CELSR3: variants seen among roughly 807,000 people sequenced by gnomAD.
CELSR3 encodes EGF-like protein 1.
A neutral mutation model predicts 270.0 loss-of-function variants in CELSR3; 73 were observed. The ratio of observed to expected loss-of-function variants is 0.27; its 90% CI spans 0.22 to 0.33. The LOEUF (loss-of-function observed/expected upper bound fraction) is 0.33, where lower values mean the gene tolerates loss of function less well. CELSR3 is among the 10% of genes least tolerant of loss of function. The probability of loss-of-function intolerance (pLI) is 1.00; values close to 1 mark genes in which losing one functional copy is unlikely to be tolerated. For missense variants in CELSR3, 3,614 were observed against 4,533.8 expected, an observed-to-expected ratio of 0.80 and a Z score of 5.83; for synonymous variants, 1,780 against 1,905.4, an observed-to-expected ratio of 0.93 and a Z score of 1.71.
chr3:48,639,831 A>T lies in CELSR3; in HGVS notation c.9754T>A (p.Ser3252Thr). 6.2e-7 allele frequency: 1 copy of T among 1,613,902 alleles called. No homozygotes were observed. The highest frequency in any genetic ancestry group is 8.5e-7 in the Non-Finnish European group (1 of 1,180,016). ...GAGGAGAGGGCCGAGGAGTTGAAAG[A>T]GGCAAGGATGGAGGAAAGAATGTCC... Reference protein sequence around the residue: ...QLDILSSILASFNSSALSSVQ... With the variant: ...QLDILSSILATFNSSALSSVQ... Residue 3252 changes from serine to threonine, a missense_variant, in exon 34 of 35, where the codon TCT (serine) becomes ACT (threonine). Ser to Thr is a moderately conservative substitution (Grantham distance 58). Transcript: ENST00000164024. The surrounding 1 kb of genome is among the most constrained non-coding windows in gnomAD (Gnocchi z 4.1).
At position 48,656,125 on chromosome 3, in the gene CELSR3, G is replaced by A. The variant is rs1477191419; in HGVS notation, c.4625+15C>T. On this transcript the variant is annotated intron_variant, in intron 3 of 34. Coordinates refer to ENST00000164024, the MANE Select transcript of CELSR3 (RefSeq NM_001407.3). ...GGGCGGCGGGGAGGCGCTCAGACAC[G>A]GGGCGGGCACCTACGAGAGGGACAG... The A allele has an allele frequency of 1.3e-6, 2 of 1,533,524 alleles. No homozygotes were observed. Among genetic ancestry groups the A allele is most frequent in the East Asian group, 2.4e-5 (1 of 40,904 alleles). 95.0% of individuals were successfully genotyped at this position (1,533,524 alleles called of 1,614,324 possible). A position where few individuals can be genotyped will look rare whatever the true frequency, so the allele number is the denominator to read the frequency against.
chr3:48,657,668 C>G lies in CELSR3; in HGVS notation c.3749-320G>C, dbSNP rs2077034129. On this transcript the variant is annotated intron_variant, in intron 1 of 34. Transcript: ENST00000164024. This position sits in a 1 kb window ranked among gnomAD's most constrained non-coding sequence, Gnocchi z 5.4. Reference sequence around the variant, plus strand: ...TCAAGTACCCTAAGTACTCAGTAACCCACACTTCCCCAAGTTATCATGGTC... The same window carrying G: ...TCAAGTACCCTAAGTACTCAGTAACGCACACTTCCCCAAGTTATCATGGTC... Among the ~76,000 whole-genome samples, 1 of 152,136 alleles carries G rather than the reference C, an allele frequency of 6.6e-6. No individual in the cohort carries two copies. The highest frequency in any genetic ancestry group is 1.5e-5 in the Non-Finnish European group (1 of 68,028).
chr3:48,654,067 G>C lies in CELSR3; in HGVS notation c.5153-64C>G, dbSNP rs2047160270. The C allele has an allele frequency of 6.3e-7, 1 of 1,588,212 alleles. No homozygotes were observed. On this transcript the variant is annotated intron_variant, in intron 7 of 34. Coordinates refer to ENST00000164024, the MANE Select transcript of CELSR3 (RefSeq NM_001407.3). The surrounding 1 kb of genome is among the most constrained non-coding windows in gnomAD (Gnocchi z 5.4). Reference sequence around the variant, plus strand: ...GTTGGGGGGCACAAGTGCTGGACAGGACTTTAGTGTCCAGAGGGGCTGAAA... The same window carrying C: ...GTTGGGGGGCACAAGTGCTGGACAGCACTTTAGTGTCCAGAGGGGCTGAAA...
rs560285482 is a variant in CELSR3, at chr3:48,638,057, C to T, written c.*148G>A. The stretch of plus-strand genomic sequence containing the variant: ...GCATGCTCACAGATGCACATGGAGC[C>T]TCAGCCCTGCCACACCAGGTAGAGC... On this transcript the variant is annotated 3_prime_UTR_variant, in exon 35 of 35. Transcript: ENST00000164024. The T allele has an allele frequency of 6.0e-6, 4 of 667,894 alleles. No individual in the cohort carries two copies. Among genetic ancestry groups the T allele is most frequent in the South Asian group, 3.3e-5 (2 of 60,286 alleles). 41.4% of individuals were successfully genotyped at this position (667,894 alleles called of 1,614,324 possible).
In CELSR3 at chr3:48,659,438, A is replaced by G. The variant is rs775630712; in HGVS notation, c.3197T>C (p.Val1066Ala). Residue 1066 changes from valine (V) to alanine (A), a missense_variant, in exon 1 of 35, where the codon GTC becomes GCC. Val to Ala is a moderately conservative substitution (Grantham distance 64, BLOSUM62 0). Coordinates refer to ENST00000164024, the MANE Select transcript of CELSR3 (RefSeq NM_001407.3). This position sits in a 1 kb window ranked among gnomAD's most constrained non-coding sequence, Gnocchi z 8.1. ...MVQDVNDNAP[V>A]FPAEEFEVRV... Reference sequence around the variant, plus strand: ...CACCTCAAACTCCTCAGCTGGGAAGACAGGTGCATTGTCGTTCACATCCTG... The same window carrying G: ...CACCTCAAACTCCTCAGCTGGGAAGGCAGGTGCATTGTCGTTCACATCCTG... 6.2e-7 allele frequency: 1 copy of G among 1,614,086 alleles called. No individual in the cohort carries two copies. The highest frequency in any genetic ancestry group is 1.3e-5 in the African/African-American group (1 of 74,922).
Position 48,642,946 on chromosome 3 carries a change from A to T in CELSR3, c.8406+21T>A. ...AAGCAGCCTAAAACTCTGGCTTCTCAGGGCCCCCATCCCGACTCACCAGCC... is the reference window on the plus strand; with the variant it reads ...AAGCAGCCTAAAACTCTGGCTTCTCTGGGCCCCCATCCCGACTCACCAGCC... On this transcript the variant is annotated intron_variant, in intron 29 of 34. Transcript: ENST00000164024. The surrounding 1 kb of genome is among the most constrained non-coding windows in gnomAD (Gnocchi z 6.1). 6.2e-7 allele frequency: 1 copy of T among 1,609,722 alleles called. No homozygotes were observed. The highest frequency in any genetic ancestry group is 8.5e-7 in the Non-Finnish European group (1 of 1,177,420).
rs1377813816 is a variant in CELSR3, at chr3:48,648,002, C to A, written c.6974-6G>T. On this transcript the variant is annotated splice_polypyrimidine_tract_variant and splice_region_variant and intron_variant, in intron 19 of 34. Transcript: ENST00000164024. ...CATGCGGTCAATGCTGAGCACTACC[C>A]AGGAGAAAGAAAGGGGAGGCCCATC... 1 of 1,611,556 alleles carries A rather than the reference C, an allele frequency of 6.2e-7. No individual in the cohort carries two copies. The highest frequency in any genetic ancestry group is 2.2e-5 in the East Asian group (1 of 44,852).
chr3:48,653,994 G>C lies in CELSR3; in HGVS notation c.5162C>G (p.Ala1721Gly). The change falls in exon 8 of 35, where the codon GCC becomes GGC. Residue 1721 changes from alanine to glycine, a missense_variant. By Grantham distance (60) the Ala-to-Gly change is moderately conservative. This residue lies in a region of CELSR3 where 1,331 missense variants were observed against 1,933.7 expected (regional missense o/e 0.69). Transcript: ENST00000164024. The surrounding 1 kb of genome is among the most constrained non-coding windows in gnomAD (Gnocchi z 6.5). ...GCCTGAGTCACAAAAGTGTAGCTTGGCTTGGCAGCCTGGGAGAGGAAAGCA... is the reference window on the plus strand; with the variant it reads ...GCCTGAGTCACAAAAGTGTAGCTTGCCTTGGCAGCCTGGGAGAGGAAAGCA... ...ANNGTMAGCQAKLHFCDSGPC... is the reference protein window; with the variant it reads ...ANNGTMAGCQGKLHFCDSGPC... The C allele has an allele frequency of 6.2e-7, 1 of 1,612,956 alleles. No individual in the cohort carries two copies. Among genetic ancestry groups the C allele is most frequent in the Non-Finnish European group, 8.5e-7 (1 of 1,179,614 alleles).
rs940719968 is a variant in CELSR3, at chr3:48,644,052, C to T, written c.8165+164G>A. On this transcript the variant is annotated intron_variant, in intron 27 of 34. Transcript: ENST00000164024. This position sits in a 1 kb window ranked among gnomAD's most constrained non-coding sequence, Gnocchi z 4.8. ...AAGCACATGTGGGGCTACAGTATAG[C>T]GAGGGCGCCAGAGAGGGACCACAGG... 9.6e-6 allele frequency: 6 copies of T among 623,242 alleles called. No individual in the cohort carries two copies. The highest frequency in any genetic ancestry group is 2.0e-5 in the South Asian group (1 of 49,852). The allele number at this position is 623,242 out of a possible 1,614,324, so 38.6% of individuals were successfully genotyped here.
At chr3:48,648,154 G>C (rs2047104394) in intron 19 of CELSR3, 112 bp downstream of exon 19, 1 of 1,421,582 alleles carries the variant, frequency 7.0e-7, no homozygotes, top group East Asian at 2.4e-5. Context: ...GGCGGTGGCT[G>C]AGTCTCCTGC....
In CELSR3 at chr3:48,656,379, C is replaced by G. The variant is rs564509041; in HGVS notation, c.4400-14G>C. On this transcript the variant is annotated splice_polypyrimidine_tract_variant and intron_variant, in intron 2 of 34. Transcript: ENST00000164024. The stretch of plus-strand genomic sequence containing the variant: ...CGCAGTCCTCTCCTGGGGGCCAAGC[C>G]GCGGTCAGAGGCGGTCACGCCCACG... 70 of 1,403,466 alleles carry G rather than the reference C, an allele frequency of 5.0e-5. No individual in the cohort carries two copies. Among genetic ancestry groups the G allele is most frequent in the Non-Finnish European group, 6.2e-5 (68 of 1,091,886 alleles). The allele number at this position is 1,403,466 out of a possible 1,614,324, so 86.9% of individuals were successfully genotyped here. A position where few individuals can be genotyped will look rare whatever the true frequency, so the allele number is the denominator to read the frequency against.
Position 48,641,034 on chromosome 3 carries a change from G to A in CELSR3, c.9025+290C>T, listed in dbSNP as rs1003599759. On this transcript the variant is annotated intron_variant, in intron 33 of 34. Transcript: ENST00000164024. The surrounding 1 kb of genome is among the most constrained non-coding windows in gnomAD (Gnocchi z 4.8). ...AGCACGGGCTCTGGGATCTGGGTGG[G>A]GGGCAGGGGGAAGCAGCTCCTAGGG... 8 of 453,104 alleles carry A rather than the reference G, an allele frequency of 1.8e-5. 1 individual carries two copies. Among genetic ancestry groups the A allele is most frequent in the Non-Finnish European group, 3.1e-5 (8 of 254,428 alleles). 28.1% of individuals were successfully genotyped at this position (453,104 alleles called of 1,614,324 possible). A position where few individuals can be genotyped will look rare whatever the true frequency, so the allele number is the denominator to read the frequency against.
At chr3:48,649,581 G>GCT (rs1220972227) in intron 16 of CELSR3, among the ~76,000 whole-genome samples, 1 of 152,272 alleles carries the variant, frequency 6.6e-6, no homozygotes, top group Non-Finnish European at 1.5e-5. Flanking sequence ...GACACACAAT[G>GCT]CTCTCTCGCA....
At chr3:48,647,773 C>T (rs1322019597) in intron 20 of CELSR3, 68 bp downstream of exon 20, 2 of 1,522,370 alleles carry the variant, frequency 1.3e-6, no homozygotes, top group South Asian at 2.3e-5. Flanking sequence ...GGCAGGAGGG[C>T]AACATAGTAT....
chr3:48,659,055 G>C lies in CELSR3; in HGVS notation c.3580C>G (p.Arg1194Gly). 1 of 1,614,144 alleles carries C rather than the reference G, an allele frequency of 6.2e-7. No individual in the cohort carries two copies. The highest frequency in any genetic ancestry group is 2.2e-5 in the East Asian group (1 of 44,880). The change falls in exon 1 of 35, where the codon CGC (arginine) becomes GGC (glycine). Residue 1194 changes from arginine to glycine, a missense_variant. Arg to Gly is a moderately radical substitution (Grantham distance 125). Transcript: ENST00000164024. The surrounding 1 kb of genome is among the most constrained non-coding windows in gnomAD (Gnocchi z 8.1). The stretch of plus-strand genomic sequence containing the variant: ...ACATCGGGGTCATAAGCTGGGATGC[G>C]CCCAATAATGCCCGACGGGAAGGTG... ...SDTFPSGIIG[R>G]IPAYDPDVSD...
rs1559477645 is a variant in CELSR3, at chr3:48,646,243, G to T, written c.7310C>A (p.Pro2437His). The T allele has an allele frequency of 6.2e-7, 1 of 1,611,372 alleles. No homozygotes were observed. Among genetic ancestry groups the T allele is most frequent in the Non-Finnish European group, 8.5e-7 (1 of 1,178,976 alleles). Reference sequence around the variant, plus strand: ...GCTGACCACCGGGGAGTTCATGACGGGGTTCTGAGGAAGCCTGGGGAGACA... The same window carrying T: ...GCTGACCACCGGGGAGTTCATGACGTGGTTCTGAGGAAGCCTGGGGAGACA... The part of the protein sequence containing the change: ...ERRGARLPQN[P>H]VMNSPVVSVA... The change falls in exon 22 of 35, where the codon CCC becomes CAC. Residue 2437 changes from proline to histidine, a missense_variant. Pro to His is a moderately conservative substitution (Grantham distance 77, BLOSUM62 -2). Around this residue, in one of 7 missense-constraint regions of CELSR3, gnomAD observed 1,240 missense variants for 1,351.7 expected, o/e 0.92. Transcript: ENST00000164024. The surrounding 1 kb of genome is among the most constrained non-coding windows in gnomAD (Gnocchi z 4.8).
chr3:48,652,641 C>A lies in CELSR3; in HGVS notation c.5635-88G>T. On this transcript the variant is annotated intron_variant, in intron 10 of 34. Transcript: ENST00000164024. This position sits in a 1 kb window ranked among gnomAD's most constrained non-coding sequence, Gnocchi z 4.3. Reference sequence around the variant, plus strand: ...AGAGTCAGTCTTGGCCTTCTTCTAGCCCTTCTAGGCTGCCCCCTCCCTCCT... The same window carrying A: ...AGAGTCAGTCTTGGCCTTCTTCTAGACCTTCTAGGCTGCCCCCTCCCTCCT... The A allele has an allele frequency of 3.0e-6, 3 of 1,010,558 alleles. No individual in the cohort carries two copies. In the South Asian group the frequency reaches 4.8e-5, roughly 16 times the overall value. 62.6% of individuals were successfully genotyped at this position (1,010,558 alleles called of 1,614,324 possible).
In CELSR3 at chr3:48,661,838, C is replaced by G. The variant is rs2077068856; in HGVS notation, c.797G>C (p.Arg266Pro). ...CTTGGGCGCCGGCTCGGGAGCTGTC[C>G]GAGACTCGCGGGGTGCTGAACCTGA... ...PASGSAPRES[R>P]TAPEPAPKRM... Residue 266 changes from arginine (R) to proline (P), a missense_variant, in exon 1 of 35, where the codon CGG (arginine) becomes CCG (proline). Transcript: ENST00000164024. 1 of 1,610,038 alleles carries G rather than the reference C, an allele frequency of 6.2e-7. No homozygotes were observed. The highest frequency in any genetic ancestry group is 1.1e-5 in the South Asian group (1 of 90,988).
At chr3:48,643,783 A>C (rs1475647520) in intron 27 of CELSR3, 106 bp from the exon 28 acceptor site, 52 of 1,349,366 alleles carry the variant, frequency 3.9e-5, no homozygotes, top group Non-Finnish European at 4.9e-5. Context: ...AACGTGAAAA[A>C]AAGGAACTCA....
Sources: allele counts gnomAD v4.1 joint callset (sites outside exome capture counted in the v4.1 genomes callset), GRCh38; gene constraint gnomAD v4.1.1; regional missense constraint gnomAD v4.1.1; non-coding constraint Gnocchi (gnomAD v3.1); transcripts MANE v1.5; gene names NCBI Gene and HGNC (gene_info 2026-07-23, HGNC 2026-07-21).